Variants in GUCY1A2 observed in about 807,000 individuals in gnomAD.
GUCY1A2 encodes the protein guanylate cyclase soluble subunit alpha-2.
In GUCY1A2, 27 loss-of-function variants were observed where a neutral mutation model predicts 63.5. That is an observed-to-expected ratio of 0.43 (90% confidence interval 0.31 to 0.59). GUCY1A2 has a LOEUF of 0.59. Among genes scored for constraint, GUCY1A2 ranks in the 20% least tolerant of loss-of-function variants. The probability of loss-of-function intolerance (pLI) is 0.11; values close to 1 mark genes in which losing one functional copy is unlikely to be tolerated. For missense variants in GUCY1A2, 768 were observed against 913.3 expected (o/e 0.84, Z 2.05); for synonymous variants, 364 against 343.5 (o/e 1.06, Z -0.66).
chr11:106,738,799 G>T (rs1863636464), intron 6 of GUCY1A2, among the ~76,000 whole-genome samples: 1 of 152,158 alleles, frequency 6.6e-6, no homozygotes, highest in South Asian at 2.1e-4. Flanking sequence ...CTGTAGCCTT[G>T]TAGTATTGTT....
intron 5 of GUCY1A2, among the ~76,000 whole-genome samples, chr11:106,777,292 C>T (rs1417522311): frequency 6.6e-6 from 1 of 151,802 alleles, no homozygotes; most frequent in African/African-American, 2.4e-5. Context: ...ACTGAAAATA[C>T]AAAAATTAAC....
intron 3 of GUCY1A2, among the ~76,000 whole-genome samples, chr11:106,974,602 C>T (rs969636187): frequency 6.6e-6 from 1 of 152,016 alleles, no homozygotes; most frequent in African/African-American, 2.4e-5. Flanking sequence ...TTTCAGGATC[C>T]CTGATACTAA....
chr11:106,827,819 AGT>A (rs1477327863), intron 4 of GUCY1A2: 1 of 1,598,354 alleles, frequency 6.3e-7, no homozygotes, highest in Non-Finnish European at 8.6e-7. Flanking sequence ...GCTCCGCACA[AGT>A]GACGCCCGCG....
intron 4 of GUCY1A2, among the ~76,000 whole-genome samples, chr11:106,914,519 T>C (rs1453410413): frequency 1.3e-5 from 2 of 151,946 alleles, no homozygotes; most frequent in Non-Finnish European, 2.9e-5. Context: ...AGAATGTCAC[T>C]AGCCATGCTA....
chr11:106,870,781 A>G (rs1475702124), intron 4 of GUCY1A2, among the ~76,000 whole-genome samples: 1 of 152,080 alleles, frequency 6.6e-6, no homozygotes, highest in East Asian at 1.9e-4. Context: ...TCTCCATGCT[A>G]TGCAAGGTTC....
At chr11:106,936,208 T>C (rs980800092) in intron 4 of GUCY1A2, among the ~76,000 whole-genome samples, 2 of 152,192 alleles carry the variant, frequency 1.3e-5, no homozygotes, top group Non-Finnish European at 2.9e-5. Flanking sequence ...TTACATGGAC[T>C]AAATATTAAC....
intron 5 of GUCY1A2, among the ~76,000 whole-genome samples, chr11:106,797,055 A>G (rs549440504): frequency 1.6e-4 from 25 of 152,058 alleles, no homozygotes; most frequent in African/African-American, 6.0e-4. Context: ...CCTTTCTTCC[A>G]GTTGATCAAA....
rs568958764 is a variant in GUCY1A2, at chr11:106,939,539, T to C, written c.1127A>G (p.Glu376Gly). The change falls in exon 4 of 8, where the codon GAA (glutamate) becomes GGA (glycine). Residue 376 changes from glutamate (E) to glycine (G), a missense_variant. Coordinates refer to ENST00000526355, the MANE Select transcript of GUCY1A2 (RefSeq NM_000855.3). ...GGTAGACAGTCGCAGCAGGACCCTT[T>C]CAAAGGTGGCATTAACCTTTGGAGA... ...IVSPKVNATF[E>G]RVLLRLSTPF... The C allele has an allele frequency of 4.3e-6, 7 of 1,613,708 alleles. No individual in the cohort carries two copies. The Admixed American group carries it at 1.0e-4, about 23-fold the overall frequency.
At chr11:106,797,464 T>TCAACAAAATATACA (rs745480226) in intron 5 of GUCY1A2, among the ~76,000 whole-genome samples, 4 of 152,070 alleles carry the variant, frequency 2.6e-5, no homozygotes, top group Non-Finnish European at 5.9e-5. Flanking sequence ...ACACCCCAAA[T>TCAACAAAATATACA]CAACAAAATA....
At chr11:106,893,037 C>A (rs1034149877) in intron 4 of GUCY1A2, among the ~76,000 whole-genome samples, 1 of 152,110 alleles carries the variant, frequency 6.6e-6, no homozygotes, top group African/African-American at 2.4e-5. Context: ...AAGTTTCCTG[C>A]AAGGAAAGAT....
At chr11:106,718,923 AT>A (rs765265295) in intron 6 of GUCY1A2, among the ~76,000 whole-genome samples, 1 of 152,164 alleles carries the variant, frequency 6.6e-6, no homozygotes, top group Non-Finnish European at 1.5e-5. Flanking sequence ...TTTGATTCTC[AT>A]ATGTAGAAAA....
intron 5 of GUCY1A2, among the ~76,000 whole-genome samples, chr11:106,787,596 A>AGGGGGAGGG (rs1321102996): frequency 2.1e-5 from 3 of 141,908 alleles, no homozygotes; most frequent in African/African-American, 5.2e-5. Context: ...AAGGAAGGGA[A>AGGGGGAGGG]GGGAAAAAGA....
intron 5 of GUCY1A2, among the ~76,000 whole-genome samples, chr11:106,798,179 T>G (rs1413802035): frequency 1.3e-5 from 2 of 152,090 alleles, no homozygotes; most frequent in East Asian, 3.9e-4. Context: ...ATGGATAAAT[T>G]CCTGGACACA....
intron 4 of GUCY1A2, among the ~76,000 whole-genome samples, chr11:106,832,016 GTTC>G (rs1188566849): frequency 3.9e-5 from 6 of 151,946 alleles, no homozygotes; most frequent in Non-Finnish European, 5.9e-5. Context: ...CCATTTTTAG[GTTC>G]TATGCCATAA....
At chr11:106,804,160 T>G (rs1858648091) in intron 5 of GUCY1A2, among the ~76,000 whole-genome samples, 1 of 152,248 alleles carries the variant, frequency 6.6e-6, no homozygotes, top group Non-Finnish European at 1.5e-5. Context: ...ATTGAGTGAA[T>G]GAATGAGTTG....
intron 6 of GUCY1A2, chr11:106,746,503 A>C: frequency 1.0e-6 from 1 of 957,536 alleles, no homozygotes; most frequent in Non-Finnish European, 1.6e-6. Context: ...ACCAATATGC[A>C]TAGCTGTATC....
chr11:106,765,323 C>G (rs984967599), intron 6 of GUCY1A2, among the ~76,000 whole-genome samples: 2 of 151,960 alleles, frequency 1.3e-5, no homozygotes, highest in African/African-American at 4.8e-5. Flanking sequence ...GAATTATATT[C>G]CTAAAAGCCT....
At chr11:106,817,888 T>C (rs796843137) in intron 4 of GUCY1A2, among the ~76,000 whole-genome samples, 4 of 152,094 alleles carry the variant, frequency 2.6e-5, no homozygotes, top group Non-Finnish European at 5.9e-5. Context: ...CTGTACACTG[T>C]TGGTGGGAGT....
At chr11:106,923,465 AC>A (rs1860476529) in intron 4 of GUCY1A2, among the ~76,000 whole-genome samples, 1 of 152,214 alleles carries the variant, frequency 6.6e-6, no homozygotes, top group Non-Finnish European at 1.5e-5. Context: ...AATGTGTCCT[AC>A]ATGTGACTGG....
Sources: allele counts gnomAD v4.1 joint callset (sites outside exome capture counted in the v4.1 genomes callset), GRCh38; gene constraint gnomAD v4.1.1; transcripts MANE v1.5; gene names NCBI Gene and HGNC (gene_info 2026-07-23, HGNC 2026-07-21).